The following ZNF827 variants were observed in gnomAD, a reference collection of about 807,000 sequenced individuals.
ZNF827 encodes the protein zinc finger protein 827.
A neutral mutation model predicts 102.4 loss-of-function variants in ZNF827; 13 were observed. That is an observed-to-expected ratio of 0.13 (90% CI 0.08 to 0.20). The LOEUF (loss-of-function observed/expected upper bound fraction) is 0.20, where lower values mean the gene tolerates loss of function less well. ZNF827 is among the 10% of genes least tolerant of loss of function. The probability of loss-of-function intolerance (pLI) is 1.00; values close to 1 mark genes in which losing one functional copy is unlikely to be tolerated. For missense variants in ZNF827, 1,103 were observed against 1,344.4 expected, an observed-to-expected ratio of 0.82 and a Z score of 2.81; for synonymous variants, 523 against 536.2, an observed-to-expected ratio of 0.98 and a Z score of 0.34.
chr4:145,796,797 T>A (rs1345167332), intron 8 of ZNF827, among the ~76,000 whole-genome samples: 1 of 152,024 alleles, frequency 6.6e-6, no homozygotes, highest in Non-Finnish European at 1.5e-5. Context: ...GCCTGGCTAA[T>A]TTTTTGTATT....
intron 7 of ZNF827, among the ~76,000 whole-genome samples, chr4:145,843,211 C>T (rs1745592703): frequency 7.3e-6 from 1 of 136,174 alleles, no homozygotes; most frequent in Non-Finnish European, 1.6e-5. Context: ...AAGTAAGCTG[C>T]CTCTACTCAA....
Position 145,774,629 on chromosome 4 carries a change from C to T in ZNF827, c.2737G>A (p.Val913Ile). ...GFETELNVQFVSHMSLHVDKE... is the reference protein window; with the variant it reads ...GFETELNVQFISHMSLHVDKE... ...TCCACGTGGAGTGACATGTGGCTGA[C>T]AAACTGGACATTGAGCTCGGTCTCA... The change falls in exon 11 of 15, where the codon GTC becomes ATC. Residue 913 changes from valine to isoleucine, a missense_variant. Physicochemically the swap from Val to Ile is conservative, Grantham distance 29. Around this residue, in one of 5 missense-constraint regions of ZNF827, gnomAD observed 242 missense variants for 361.9 expected, o/e 0.67. Transcript: ENST00000508784. 6.2e-7 allele frequency: 1 copy of T among 1,613,876 alleles called. No individual in the cohort carries two copies. The highest frequency in any genetic ancestry group is 1.3e-5 in the African/African-American group (1 of 75,014).
intron 8 of ZNF827, among the ~76,000 whole-genome samples, chr4:145,814,606 T>TAACAAACA (rs59852029): frequency 0.39 from 58,032 of 147,714 alleles, 11,819 homozygotes; most frequent in African/African-American, 0.46. Flanking sequence ...TCTCACCTCC[T>TAACAAACA]AACAAACAAA....
At chr4:145,842,996 C>T (rs1318479907) in intron 7 of ZNF827, among the ~76,000 whole-genome samples, 1 of 152,176 alleles carries the variant, frequency 6.6e-6, no homozygotes, top group Non-Finnish European at 1.5e-5. Context: ...GCATAATCCA[C>T]ACACTGATCT....
intron 11 of ZNF827, among the ~76,000 whole-genome samples, chr4:145,769,110 G>C (rs1735854395): frequency 6.6e-6 from 1 of 151,440 alleles, no homozygotes; most frequent in Non-Finnish European, 1.5e-5. Flanking sequence ...TTTCCTGTCA[G>C]AACTGCACTT....
At chr4:145,833,001 C>T (rs1353989542) in intron 7 of ZNF827, 9 of 165,432 alleles carry the variant, frequency 5.4e-5, no homozygotes, top group Middle Eastern at 2.7e-3. Flanking sequence ...TTCACACGGA[C>T]GTGCATGAAA....
intron 4 of ZNF827, among the ~76,000 whole-genome samples, chr4:145,881,968 T>C (rs1749706283): frequency 6.6e-6 from 1 of 152,192 alleles, no homozygotes; most frequent in Admixed American, 6.5e-5. Context: ...TTTGAGGATA[T>C]TAAAGAAAAT....
intron 1 of ZNF827, chr4:145,907,285 T>C (rs1454649778): frequency 2.2e-6 from 1 of 450,424 alleles, no homozygotes. Flanking sequence ...GTTGCAGTGG[T>C]CTAGCTATGG....
intron 7 of ZNF827, among the ~76,000 whole-genome samples, chr4:145,829,695 C>T (rs1744017517): frequency 6.6e-6 from 1 of 152,218 alleles, no homozygotes; most frequent in South Asian, 2.1e-4. Context: ...CGTGTTCTTT[C>T]TCTAACCACT....
At chr4:145,805,493 C>A (rs1224622544) in intron 8 of ZNF827, among the ~76,000 whole-genome samples, 1 of 152,152 alleles carries the variant, frequency 6.6e-6, no homozygotes, top group Non-Finnish European at 1.5e-5. Flanking sequence ...AAGGAACATG[C>A]ACAGATTCCA....
Position 145,835,657 on chromosome 4 carries a change from A to C in ZNF827, c.2279+10299T>G, listed in dbSNP as rs950666685. ...TAACCCACAAGTATAAGATACCTCT[A>C]CTCCCTCCTTGGCGACCGATCATGC... On this transcript the variant is annotated intron_variant, in intron 7 of 14. Coordinates refer to ENST00000508784, the MANE Select transcript of ZNF827 (RefSeq NM_001306215.2). Among the ~76,000 whole-genome samples, 1,064 of 146,270 alleles carry C rather than the reference A, an allele frequency of 7.3e-3. 9 individuals carry two copies. The highest frequency in any genetic ancestry group is 0.025 in the African/African-American group (995 of 39,046).
intron 1 of ZNF827, among the ~76,000 whole-genome samples, chr4:145,911,959 CA>C (rs894653712): frequency 3.3e-5 from 5 of 152,084 alleles, no homozygotes; most frequent in Non-Finnish European, 7.4e-5. Flanking sequence ...TATAGGAAAC[CA>C]AACTTTTCAT....
At chr4:145,934,349 CA>C (rs1262614844) in intron 1 of ZNF827, among the ~76,000 whole-genome samples, 2 of 152,180 alleles carry the variant, frequency 1.3e-5, no homozygotes, top group Non-Finnish European at 2.9e-5. Flanking sequence ...AAAGCAAACA[CA>C]GACACAAACA....
intron 11 of ZNF827, among the ~76,000 whole-genome samples, chr4:145,767,916 A>C (rs1735562979): frequency 6.6e-6 from 1 of 152,242 alleles, no homozygotes; most frequent in Admixed American, 6.5e-5. Flanking sequence ...AAAAGAATGA[A>C]GAGGCTGGAA....
At chr4:145,767,588 A>T (rs1735498656) in intron 11 of ZNF827, among the ~76,000 whole-genome samples, 1 of 152,222 alleles carries the variant, frequency 6.6e-6, no homozygotes, top group Admixed American at 6.5e-5. Flanking sequence ...AATCAGTGCT[A>T]AAGAACAAAA....
chr4:145,834,728 C>T (rs1744630285), intron 7 of ZNF827, among the ~76,000 whole-genome samples: 1 of 152,100 alleles, frequency 6.6e-6, no homozygotes, highest in Non-Finnish European at 1.5e-5. Flanking sequence ...CTTTACAGCC[C>T]TAGACCCTAA....
chr4:145,764,848 G>C (rs762014946), intron 13 of ZNF827, 140 bp downstream of exon 13: 3 of 1,117,608 alleles, frequency 2.7e-6, no homozygotes, highest in African/African-American at 1.5e-5. Context: ...AAAGGCAGCA[G>C]GGGTTCCTGA....
At chr4:145,813,576 C>T (rs1230435207) in intron 8 of ZNF827, among the ~76,000 whole-genome samples, 1 of 152,102 alleles carries the variant, frequency 6.6e-6, no homozygotes, top group Non-Finnish European at 1.5e-5. Context: ...GAGACCAATT[C>T]TATTTATAAA....
At chr4:145,816,930 T>C (rs1742646197) in intron 8 of ZNF827, among the ~76,000 whole-genome samples, 1 of 152,210 alleles carries the variant, frequency 6.6e-6, no homozygotes, top group Admixed American at 6.5e-5. Context: ...GAAAAACTGT[T>C]GTCATCATTA....
Sources: gnomAD v4.1 joint callset for allele counts (sites outside exome capture counted in the v4.1 genomes callset) on GRCh38, gnomAD v4.1.1 for gene constraint, gnomAD v4.1.1 regional missense constraint, MANE v1.5 for transcripts, NCBI Gene and HGNC (gene_info 2026-07-23, HGNC 2026-07-21) for gene names.